CEP63: variants seen among roughly 807,000 people sequenced by gnomAD.
The protein encoded by CEP63 is centrosomal protein 63.
In CEP63, 84 loss-of-function variants were observed where a neutral mutation model predicts 89.1. The ratio of observed to expected loss-of-function variants is 0.94; its 90% CI spans 0.79 to 1.13. The LOEUF is 1.13. Among genes scored for constraint, CEP63 ranks in the 50% most tolerant of loss-of-function variants. The pLI, the probability that CEP63 is intolerant of heterozygous loss-of-function variation, is 0.00. For synonymous variants in CEP63, 267 were observed against 272.5 expected (o/e 0.98, Z 0.20); for missense variants, 838 against 813.3 (o/e 1.03, Z -0.37).
the CEP63 span, among the ~76,000 whole-genome samples, chr3:134,711,120 A>G: frequency 1.4e-4 from 21 of 152,074 alleles, no homozygotes; most frequent in Non-Finnish European, 2.2e-4. Context: ...TATTTCACCA[A>G]ATTTGATTAA....
At chr3:134,732,678 C>G in the CEP63 span, among the ~76,000 whole-genome samples, 1 of 152,018 alleles carries the variant, frequency 6.6e-6, no homozygotes, top group Non-Finnish European at 1.5e-5. Flanking sequence ...AAAGTTCAGT[C>G]TGCATGTAAT....
the CEP63 span, among the ~76,000 whole-genome samples, chr3:134,774,679 G>C: frequency 6.6e-6 from 1 of 152,236 alleles, no homozygotes. Flanking sequence ...GAGAGTGTGT[G>C]TGTGAACAGA....
At chr3:134,675,050 A>G in the CEP63 span, among the ~76,000 whole-genome samples, 1 of 152,208 alleles carries the variant, frequency 6.6e-6, no homozygotes, top group African/African-American at 2.4e-5. Context: ...TGAGCATAAA[A>G]TTCATATGGA....
chr3:134,524,237 T>C (rs917482096), intron 3 of CEP63, among the ~76,000 whole-genome samples: 8 of 152,204 alleles, frequency 5.3e-5, no homozygotes, highest in African/African-American at 1.9e-4. Context: ...ATTGATTTTA[T>C]ATCCTGAGAC....
chr3:134,646,585 C>A, the CEP63 span, among the ~76,000 whole-genome samples: 1 of 152,196 alleles, frequency 6.6e-6, no homozygotes, highest in East Asian at 1.9e-4. Context: ...TTTAGAACTT[C>A]ATCTTTCCCT....
chr3:134,547,403 TC>T lies in CEP63; in HGVS notation c.999del (p.Ser334ProfsTer3). Reference protein sequence around the residue: ...SQGQGDLDSVLSQLNFTHTSE... With the variant: ...SQGQGDLDSVXSQLNFTHTSE... ...GGGCAGGGGGACTTAGACAGTGTGC[TC>T]TCCCAGTTGAATTTTACCCATACTA... On this transcript the variant is annotated frameshift_variant, in exon 9 of 15. Transcript: ENST00000675561. LOFTEE classifies it high-confidence loss of function. 1.9e-6 allele frequency: 3 copies of T among 1,613,720 alleles called. No individual in the cohort carries two copies. Among genetic ancestry groups the T allele is most frequent in the Non-Finnish European group, 2.5e-6 (3 of 1,179,716 alleles).
At chr3:134,592,823 C>T in the CEP63 span, among the ~76,000 whole-genome samples, 1 of 152,048 alleles carries the variant, frequency 6.6e-6, no homozygotes, top group Non-Finnish European at 1.5e-5. Flanking sequence ...ACAGCTCTCT[C>T]GAGTGGAAGG....
At chr3:134,611,979 T>C in the CEP63 span, among the ~76,000 whole-genome samples, 5 of 152,274 alleles carry the variant, frequency 3.3e-5, no homozygotes, top group Admixed American at 3.3e-4. Flanking sequence ...TCAAATGTGA[T>C]GTCCTGAGGG....
At chr3:134,738,860 G>A in the CEP63 span, among the ~76,000 whole-genome samples, 1 of 152,054 alleles carries the variant, frequency 6.6e-6, no homozygotes, top group African/African-American at 2.4e-5. Context: ...AAGAATATAT[G>A]CAAGTGGCCA....
the CEP63 span, among the ~76,000 whole-genome samples, chr3:134,770,437 T>TA: frequency 6.6e-6 from 1 of 152,186 alleles, no homozygotes; most frequent in Admixed American, 6.6e-5. Context: ...TAATTTAGAG[T>TA]AAAAATTAAA....
the CEP63 span, among the ~76,000 whole-genome samples, chr3:134,745,261 T>G: frequency 1.3e-5 from 2 of 152,354 alleles, no homozygotes; most frequent in South Asian, 4.1e-4. Flanking sequence ...TATTGTTTTG[T>G]GTATGTTGTC....
chr3:134,569,658 G>A (rs1468136217), downstream of CEP63, among the ~76,000 whole-genome samples: 1 of 152,146 alleles, frequency 6.6e-6, no homozygotes, highest in Non-Finnish European at 1.5e-5. Context: ...GGCTTTTCCA[G>A]GTGCACGGTG....
At chr3:134,652,501 G>A in the CEP63 span, among the ~76,000 whole-genome samples, 3 of 149,094 alleles carry the variant, frequency 2.0e-5, no homozygotes, top group African/African-American at 7.5e-5. Flanking sequence ...TGGAAGGAGA[G>A]GTTGTTGGCT....
intron 13 of CEP63, among the ~76,000 whole-genome samples, chr3:134,558,749 T>G (rs1276189395): frequency 1.3e-5 from 2 of 152,222 alleles, no homozygotes; most frequent in South Asian, 2.1e-4. Context: ...GCCACTTGGC[T>G]TCAGCTCATA....
At chr3:134,740,089 T>C in the CEP63 span, among the ~76,000 whole-genome samples, 1 of 152,072 alleles carries the variant, frequency 6.6e-6, no homozygotes, top group Non-Finnish European at 1.5e-5. Flanking sequence ...ACACGGAGTA[T>C]CTGAGGCTCA....
At position 134,564,711 on chromosome 3, in the gene CEP63, A is replaced by G. The variant is rs1031670119; in HGVS notation, c.*3176A>G. The G allele has an allele frequency of 8.1e-6, 8 of 985,282 alleles. No homozygotes were observed. In the African/African-American group the frequency reaches 1.4e-4, roughly 17 times the overall value. The allele number at this position is 985,282 out of a possible 1,614,324, so 61.0% of individuals were successfully genotyped here. A position where few individuals can be genotyped will look rare whatever the true frequency, so the allele number is the denominator to read the frequency against. ...AGTTTTAAGTACTGTACCTATGTGC[A>G]TTGCTGTTACATTCAGGAGATTTCT... On this transcript the variant is annotated 3_prime_UTR_variant, in exon 15 of 15. Transcript: ENST00000675561.
At chr3:134,676,188 C>G in the CEP63 span, among the ~76,000 whole-genome samples, 1 of 152,132 alleles carries the variant, frequency 6.6e-6, no homozygotes, top group East Asian at 1.9e-4. Context: ...AGATGCCCAT[C>G]AACTGATGAA....
the CEP63 span, among the ~76,000 whole-genome samples, chr3:134,676,618 A>G: frequency 1.3e-5 from 2 of 152,218 alleles, no homozygotes; most frequent in African/African-American, 2.4e-5. Context: ...AAAAGAGAAT[A>G]TTAAAAGTGA....
the CEP63 span, among the ~76,000 whole-genome samples, chr3:134,692,136 T>A: frequency 6.6e-6 from 1 of 152,056 alleles, no homozygotes; most frequent in Non-Finnish European, 1.5e-5. Context: ...ATACTTAAAG[T>A]TCTAGGGTAC....
Sources: gnomAD v4.1 joint callset for allele counts (sites outside exome capture counted in the v4.1 genomes callset) on GRCh38, gnomAD v4.1.1 for gene constraint, MANE v1.5 for transcripts, NCBI Gene and HGNC (gene_info 2026-07-23, HGNC 2026-07-21) for gene names.